The following DLGAP2 variants were observed in gnomAD, a reference collection of about 807,000 sequenced individuals.
DLGAP2 encodes the protein DLG associated protein 2.
In DLGAP2, 26 loss-of-function variants were observed where a neutral mutation model predicts 100.3. The observed-to-expected ratio is 0.26, with a 90% CI of 0.19 to 0.36. DLGAP2 has a LOEUF of 0.36. Ranked by LOEUF, DLGAP2 falls within the 10% of genes least tolerant of loss-of-function variation. DLGAP2 has a pLI of 1.00. For synonymous variants in DLGAP2, 886 were observed against 630.1 expected (o/e 1.41, Z -6.08); for missense variants, 1,858 against 1,453.2 (o/e 1.28, Z -4.53).
intron 3 of DLGAP2, among the ~76,000 whole-genome samples, chr8:1,357,155 CTG>C (rs1243882327): frequency 6.6e-6 from 1 of 152,108 alleles, no homozygotes; most frequent in Non-Finnish European, 1.5e-5. Flanking sequence ...CTTCACCAGT[CTG>C]TGGACCAGGA....
chr8:942,931 C>G (rs951393522), intron 2 of DLGAP2, among the ~76,000 whole-genome samples: 1 of 152,238 alleles, frequency 6.6e-6, no homozygotes, highest in Admixed American at 6.5e-5. Context: ...GTTTGCCTCT[C>G]CAGTGATGCG....
At chr8:1,246,741 G>A (rs1798909554) in intron 2 of DLGAP2, 1 of 152,318 alleles carries the variant, frequency 6.6e-6, no homozygotes, top group Admixed American at 6.5e-5. Flanking sequence ...CGCCACGCAA[G>A]GGACATGCCC....
In DLGAP2 at chr8:1,678,425, C is replaced by G; in HGVS notation, c.2500C>G (p.Arg834Gly). 2 of 1,613,606 alleles carry G rather than the reference C, an allele frequency of 1.2e-6. No homozygotes were observed. The highest frequency in any genetic ancestry group is 1.7e-6 in the Non-Finnish European group (2 of 1,179,680). ...GCTCTTCAGCTATAGAGAAGACTAT[C>G]GGACCCAAGTGGACACCTCCACCCT... is the stretch of plus-strand genomic sequence containing the variant. ...QGLFSYREDY[R>G]TQVDTSTLPP... The change falls in exon 12 of 15, where the codon CGG (arginine) becomes GGG (glycine). Residue 834 changes from arginine to glycine, a missense_variant. Coordinates refer to ENST00000637795, the MANE Select transcript of DLGAP2 (RefSeq NM_001346810.2).
At chr8:864,281 G>A (rs1205774254) in intron 1 of DLGAP2, among the ~76,000 whole-genome samples, 1 of 152,128 alleles carries the variant, frequency 6.6e-6, no homozygotes, top group African/African-American at 2.4e-5. Flanking sequence ...GCAGAAGGGT[G>A]ACTACAGGTG....
Position 1,457,742 on chromosome 8 carries a change from C to T in DLGAP2, c.107-43624C>T, listed in dbSNP as rs543150100. Among the ~76,000 whole-genome samples the T allele has an allele frequency of 3.3e-5, 5 of 152,062 alleles. No homozygotes were observed. The South Asian group carries it at 1.0e-3, about 32-fold the overall frequency. On this transcript the variant is annotated intron_variant, in intron 3 of 14. Coordinates refer to ENST00000637795, the MANE Select transcript of DLGAP2 (RefSeq NM_001346810.2). Reference sequence around the variant, plus strand: ...AGCCAAATATTGTAGCCCCACACACCTCCCCCGTCCCACGCCTCCCCCAGA... The same window carrying T: ...AGCCAAATATTGTAGCCCCACACACTTCCCCCGTCCCACGCCTCCCCCAGA...
intron 1 of DLGAP2, among the ~76,000 whole-genome samples, chr8:895,535 G>A (rs930113637): frequency 3.9e-5 from 6 of 152,212 alleles, no homozygotes; most frequent in Non-Finnish European, 7.3e-5. Context: ...AGCTTGAGAG[G>A]AGGCTGGAAG....
chr8:779,118 C>A (rs180752034), intron 1 of DLGAP2, among the ~76,000 whole-genome samples: 1 of 152,270 alleles, frequency 6.6e-6, no homozygotes, highest in Non-Finnish European at 1.5e-5. Flanking sequence ...TGCCGTCCGT[C>A]ACCCCTTTCT....
At chr8:1,578,775 A>G (rs1038638993) in intron 6 of DLGAP2, among the ~76,000 whole-genome samples, 1 of 152,194 alleles carries the variant, frequency 6.6e-6, no homozygotes, top group African/African-American at 2.4e-5. Flanking sequence ...GCTCTCAAAA[A>G]TAAAAATAAA....
Position 1,549,423 on chromosome 8 carries a change from G to T in DLGAP2, c.970G>T (p.Ala324Ser), listed in dbSNP as rs780918470. Residue 324 changes from alanine to serine, a missense_variant, in exon 5 of 15, where the codon GCC (alanine) becomes TCC (serine). Physicochemically the swap from Ala to Ser is moderately conservative, Grantham distance 99 (BLOSUM62 1). Coordinates refer to ENST00000637795, the MANE Select transcript of DLGAP2 (RefSeq NM_001346810.2). ...CAACCGGCACCACCTGGGCCCCGTG[G>T]CCCACTGCTACCCCGACGCGCTGCA... is the stretch of plus-strand genomic sequence containing the variant. ...VLNRHHLGPV[A>S]HCYPDALQSP... 6.2e-7 allele frequency: 1 copy of T among 1,613,450 alleles called. No individual in the cohort carries two copies. The highest frequency in any genetic ancestry group is 8.5e-7 in the Non-Finnish European group (1 of 1,179,784).
chr8:1,539,859 C>A (rs1801298256), intron 4 of DLGAP2, among the ~76,000 whole-genome samples: 1 of 146,034 alleles, frequency 6.8e-6, no homozygotes, highest in Non-Finnish European at 1.5e-5. Context: ...TAGGGCCTCC[C>A]TTCCCTGCCT....
intron 2 of DLGAP2, among the ~76,000 whole-genome samples, chr8:952,292 G>T (rs764190220): frequency 1.3e-5 from 2 of 152,168 alleles, no homozygotes; most frequent in Non-Finnish European, 2.9e-5. Context: ...ATTACTAAGG[G>T]CCAACAATTC....
At chr8:1,039,945 T>C in intron 2 of DLGAP2, among the ~76,000 whole-genome samples, 1 of 147,048 alleles carries the variant, frequency 6.8e-6, no homozygotes, top group Non-Finnish European at 1.5e-5. Context: ...GTCGGCTCAG[T>C]TTCCGTGGTC....
intron 3 of DLGAP2, among the ~76,000 whole-genome samples, chr8:1,260,766 A>G (rs998806449): frequency 6.6e-5 from 10 of 152,122 alleles, no homozygotes; most frequent in African/African-American, 2.2e-4. Context: ...AGGTCATGGG[A>G]TTGACTCTAG....
At chr8:848,215 A>G (rs957989735) in intron 1 of DLGAP2, among the ~76,000 whole-genome samples, 1 of 152,226 alleles carries the variant, frequency 6.6e-6, no homozygotes, top group Non-Finnish European at 1.5e-5. Context: ...CTATATTGCT[A>G]TATGAATCAA....
At chr8:771,716 T>C (rs1262359519) in intron 1 of DLGAP2, among the ~76,000 whole-genome samples, 1 of 152,166 alleles carries the variant, frequency 6.6e-6, no homozygotes, top group Non-Finnish European at 1.5e-5. Flanking sequence ...TAGGTGAAAA[T>C]ATTTATCCTC....
chr8:1,359,710 T>TA (rs1801935527), intron 3 of DLGAP2, among the ~76,000 whole-genome samples: 1 of 152,224 alleles, frequency 6.6e-6, no homozygotes, highest in Admixed American at 6.5e-5. Context: ...TCAGCTCTTA[T>TA]AAAACCCGCG....
chr8:995,781 T>G (rs1353164544), intron 2 of DLGAP2, among the ~76,000 whole-genome samples: 5 of 152,172 alleles, frequency 3.3e-5, no homozygotes, highest in African/African-American at 1.2e-4. Flanking sequence ...TTGCCATAAA[T>G]TAGGTTCCCC....
intron 3 of DLGAP2, among the ~76,000 whole-genome samples, chr8:1,447,757 T>C (rs1035464684): frequency 3.3e-5 from 5 of 152,232 alleles, no homozygotes; most frequent in African/African-American, 1.2e-4. Flanking sequence ...ATTGCCACAA[T>C]TTCAGAGCCT....
intron 4 of DLGAP2, among the ~76,000 whole-genome samples, chr8:1,527,437 G>A (rs1356340891): frequency 6.6e-6 from 1 of 152,212 alleles, no homozygotes; most frequent in Admixed American, 6.5e-5. Context: ...GGATGTCAGT[G>A]GAAAGCCATA....
Sources: allele counts gnomAD v4.1 joint callset (sites outside exome capture counted in the v4.1 genomes callset), GRCh38; gene constraint gnomAD v4.1.1; transcripts MANE v1.5; gene names NCBI Gene and HGNC (gene_info 2026-07-23, HGNC 2026-07-21).